Variants in SLC43A2 observed in about 807,000 individuals in gnomAD.
SLC43A2 encodes solute carrier family 43 member 2.
Under a neutral mutation model 63.2 loss-of-function variants are expected in SLC43A2, and 38 were observed. That is an observed-to-expected ratio of 0.60 (90% CI 0.46 to 0.79). The LOEUF (loss-of-function observed/expected upper bound fraction) is 0.79. Ranked by LOEUF, SLC43A2 falls within the 30% of genes least tolerant of loss-of-function variation. The pLI is 0.00. For synonymous variants in SLC43A2, 322 were observed against 331.0 expected, an observed-to-expected ratio of 0.97 and a Z score of 0.30; for missense variants, 644 against 756.2, an observed-to-expected ratio of 0.85 and a Z score of 1.74.
chr17:1,584,543 G>A (rs1453354884), intron 10 of SLC43A2, among the ~76,000 whole-genome samples: 1 of 152,138 alleles, frequency 6.6e-6, no homozygotes, highest in Non-Finnish European at 1.5e-5. Context: ...GCTGGGCGTG[G>A]TGGCTTATGC....
rs1400156689 is a variant in SLC43A2 at position 1,605,631 on chromosome 17, GCTGGCATT to G, written c.501+7556_501+7563del. Among the ~76,000 whole-genome samples the G allele has an allele frequency of 5.3e-5, 8 of 151,160 alleles. No individual in the cohort carries two copies. The highest frequency in any genetic ancestry group is 1.0e-4 in the Non-Finnish European group (7 of 67,738). ...CTGGGGAGCTGGGTGGTGGGTGGGG[GCTGGCATT>G]CTGGCCCTCGGGTCCCCTCCAGAGG... On this transcript the variant is annotated intron_variant, in intron 5 of 13. Coordinates refer to ENST00000301335, the MANE Select transcript of SLC43A2 (RefSeq NM_152346.3). The surrounding 1 kb of genome is among the most constrained non-coding windows in gnomAD (Gnocchi z 4.9).
At position 1,590,846 on chromosome 17, in the gene SLC43A2, A is replaced by G. The variant is rs1337854123; in HGVS notation, c.1034T>C (p.Met345Thr). The change falls in exon 9 of 14, where the codon ATG becomes ACG. Residue 345 changes from methionine (M) to threonine (T), a missense_variant. Met to Thr is a moderately conservative substitution (Grantham distance 81, BLOSUM62 -1). This residue lies in a region of SLC43A2 where 528 missense variants were observed against 623.6 expected (regional missense o/e 0.85). Coordinates refer to ENST00000301335, the MANE Select transcript of SLC43A2 (RefSeq NM_152346.3). ...QLRLIFYMGA[M>T]NNILKFLVSG... is the part of the protein sequence containing the mutation. ...GACCAGGAACTTGAGGATGTTGTTCATAGCCCCCATGTAGAAGATGAGCCG... is the reference window on the plus strand; with the variant it reads ...GACCAGGAACTTGAGGATGTTGTTCGTAGCCCCCATGTAGAAGATGAGCCG... 3.2e-6 allele frequency: 5 copies of G among 1,556,022 alleles called. No homozygotes were observed. The highest frequency in any genetic ancestry group is 1.4e-5 in the African/African-American group (1 of 73,758).
In SLC43A2 at chr17:1,616,468, T is replaced by C. The variant is rs1907672934; in HGVS notation, c.368+94A>G. On this transcript the variant is annotated intron_variant, in intron 3 of 13. Transcript: ENST00000301335. ...CCTTCAGGGAGCTCCACAGTACACC[T>C]GATATCAGGTACGACCAGGATACCC... The C allele has an allele frequency of 3.2e-6, 4 of 1,261,548 alleles. No homozygotes were observed. In the South Asian group the frequency reaches 5.7e-5, roughly 18 times the overall value. 78.1% of individuals were successfully genotyped at this position (1,261,548 alleles called of 1,614,324 possible). A position where few individuals can be genotyped will look rare whatever the true frequency, so the allele number is the denominator to read the frequency against.
In SLC43A2 at chr17:1,593,520, G is replaced by A. The variant is rs942924792; in HGVS notation, c.502-241C>T. 1.3e-5 allele frequency among the ~76,000 whole-genome samples: 2 copies of A among 152,132 alleles called. No homozygotes were observed. Among genetic ancestry groups the A allele is most frequent in the African/African-American group, 2.4e-5 (1 of 41,426 alleles). ...AATACAAGCAGTTGTCTGACTTTCC[G>A]GCTGGCAACCCTCCCTATCTCTCTG... On this transcript the variant is annotated intron_variant, in intron 5 of 13. Coordinates refer to ENST00000301335, the MANE Select transcript of SLC43A2 (RefSeq NM_152346.3). The surrounding 1 kb of genome is among the most constrained non-coding windows in gnomAD (Gnocchi z 5.3).
chr17:1,597,970 C>A (rs1434241438), intron 5 of SLC43A2, among the ~76,000 whole-genome samples: 3 of 152,202 alleles, frequency 2.0e-5, no homozygotes, highest in Non-Finnish European at 4.4e-5. Context: ...AGCCTCGGTT[C>A]CCAAGCTCAC....
intron 10 of SLC43A2, chr17:1,585,423 T>C (rs766486134): frequency 1.5e-5 from 5 of 329,984 alleles, no homozygotes; most frequent in Non-Finnish European, 2.7e-5. Flanking sequence ...TTTTTGTATT[T>C]TTAGTAGAGA....
At chr17:1,618,202 T>C (rs773365032) in intron 2 of SLC43A2, among the ~76,000 whole-genome samples, 2 of 152,212 alleles carry the variant, frequency 1.3e-5, no homozygotes. Context: ...CGGGGCCGTG[T>C]GGATGAAGAG....
intron 7 of SLC43A2, 32 bp from the exon 8 acceptor site, chr17:1,591,503 G>A (rs753079446): frequency 8.7e-6 from 14 of 1,611,672 alleles, no homozygotes; most frequent in Non-Finnish European, 1.1e-5. Flanking sequence ...TGTGGGTGCT[G>A]CCCGGGACCC....
rs1229759836 is a variant in SLC43A2, at chr17:1,569,797, A to G, written c.*5807T>C. On this transcript the variant is annotated 3_prime_UTR_variant, in exon 14 of 14. Coordinates refer to ENST00000301335, the MANE Select transcript of SLC43A2 (RefSeq NM_152346.3). The stretch of plus-strand genomic sequence containing the variant: ...TACCAAAACGTGAAAGCCACAAAAG[A>G]AAAGTGAACGAGAGAAGAGTTTCTT... 6.6e-6 allele frequency: 1 copy of G among 152,180 alleles called. No homozygotes were observed. The highest frequency in any genetic ancestry group is 2.4e-5 in the African/African-American group (1 of 41,420). The allele number at this position is 152,180 out of a possible 1,614,324, so 9.4% of individuals were successfully genotyped here. A position where few individuals can be genotyped will look rare whatever the true frequency, so the allele number is the denominator to read the frequency against.
chr17:1,583,447 AAGCCACCC>A lies in SLC43A2; in HGVS notation c.1218-119_1218-112del. On this transcript the variant is annotated intron_variant, in intron 10 of 13. Coordinates refer to ENST00000301335, the MANE Select transcript of SLC43A2 (RefSeq NM_152346.3). This position sits in a 1 kb window ranked among gnomAD's most constrained non-coding sequence, Gnocchi z 5.5. ...GCAGGTAAACTGACGCAAGACTCAG[AAGCCACCC>A]AGGCACGTTTTAGGGACTGTGTCGG... 1 of 1,539,936 alleles carries A rather than the reference AAGCCACCC, an allele frequency of 6.5e-7. No homozygotes were observed. Among genetic ancestry groups the A allele is most frequent in the Non-Finnish European group, 8.7e-7 (1 of 1,143,960 alleles).
At chr17:1,613,051 C>T (rs1907273411) in intron 5 of SLC43A2, 144 bp downstream of exon 5, 1 of 697,450 alleles carries the variant, frequency 1.4e-6, no homozygotes, top group African/African-American at 1.8e-5. Flanking sequence ...CCTGCCAGGC[C>T]ACCTCGCCCA....
rs769260145 is a variant in SLC43A2, at chr17:1,591,638, C to A, written c.656G>T (p.Gly219Val). 3 of 1,549,144 alleles carry A rather than the reference C, an allele frequency of 1.9e-6. No individual in the cohort carries two copies. The highest frequency in any genetic ancestry group is 2.6e-6 in the Non-Finnish European group (3 of 1,146,604). The change falls in exon 7 of 14, where the codon GGG becomes GTG. Residue 219 changes from glycine to valine, a missense_variant. Around this residue, in one of 3 missense-constraint regions of SLC43A2, gnomAD observed 528 missense variants for 623.6 expected, o/e 0.85. Transcript: ENST00000301335. ...VVLVVWAGCS[G>V]LVFLNCFFNW... ...AAAGAAGCAGTTGAGGAAAACCAGCCCGGAGCAGCCGGCCCAGACCACGAG... is the reference window on the plus strand; with the variant it reads ...AAAGAAGCAGTTGAGGAAAACCAGCACGGAGCAGCCGGCCCAGACCACGAG...
rs554608831 is a variant in SLC43A2 at position 1,615,169 on chromosome 17, G to T, written c.369-135C>A. On this transcript the variant is annotated intron_variant, in intron 3 of 13. Transcript: ENST00000301335. ...GTCACCCGGGCTGGAGTGCAGTGGC[G>T]CGATCTCGGCTCACTGCAACCTCCG... 42 of 973,958 alleles carry T rather than the reference G, an allele frequency of 4.3e-5. No individual in the cohort carries two copies. The South Asian group carries it at 5.9e-4, about 14-fold the overall frequency. 60.3% of individuals were successfully genotyped at this position (973,958 alleles called of 1,614,324 possible). A position where few individuals can be genotyped will look rare whatever the true frequency, so the allele number is the denominator to read the frequency against.
At chr17:1,586,928 T>TGGGCCCCCCCCCCCC in intron 9 of SLC43A2, 3 of 1,232,886 alleles carry the variant, frequency 2.4e-6, no homozygotes, top group Non-Finnish European at 3.4e-6. Context: ...TCCCTGACAA[T>TGGGCCCCCCCCCCCC]CCCCCCCACC....
intron 13 of SLC43A2, among the ~76,000 whole-genome samples, chr17:1,576,372 C>T (rs940472799): frequency 6.6e-6 from 1 of 152,130 alleles, no homozygotes; most frequent in African/African-American, 2.4e-5. Context: ...GTGTGAGCCA[C>T]CGCGCCCGGC....
intron 11 of SLC43A2, among the ~76,000 whole-genome samples, chr17:1,580,023 T>C (rs1002341889): frequency 9.2e-5 from 14 of 151,888 alleles, no homozygotes; most frequent in Non-Finnish European, 5.9e-5. Flanking sequence ...GCCTCCTGGA[T>C]TCAAGCAATT....
intron 5 of SLC43A2, among the ~76,000 whole-genome samples, chr17:1,607,853 C>T (rs962789774): frequency 1.3e-5 from 2 of 151,900 alleles, no homozygotes; most frequent in Admixed American, 6.6e-5. Flanking sequence ...GTCGTGGGGA[C>T]TACAGGCGCC....
intron 3 of SLC43A2, among the ~76,000 whole-genome samples, chr17:1,615,306 C>T (rs1303911423): frequency 4.0e-5 from 6 of 151,894 alleles, no homozygotes; most frequent in Non-Finnish European, 8.8e-5. Flanking sequence ...GACAGGGTTT[C>T]ACCATGTTGG....
At chr17:1,586,513 A>G (rs1357855947) in intron 9 of SLC43A2, among the ~76,000 whole-genome samples, 1 of 151,912 alleles carries the variant, frequency 6.6e-6, no homozygotes, top group African/African-American at 2.4e-5. Context: ...TGACCAACAC[A>G]GTGAAACCCC....
Sources: allele counts gnomAD v4.1 joint callset (sites outside exome capture counted in the v4.1 genomes callset), GRCh38; gene constraint gnomAD v4.1.1; regional missense constraint gnomAD v4.1.1; non-coding constraint Gnocchi (gnomAD v3.1); transcripts MANE v1.5; gene names NCBI Gene and HGNC (gene_info 2026-07-23, HGNC 2026-07-21).